The following USP31 variants were observed in gnomAD, a reference collection of about 807,000 sequenced individuals.
The protein encoded by USP31 is ubiquitin specific peptidase 31.
A neutral mutation model predicts 119.4 loss-of-function variants in USP31; 44 were observed. The observed-to-expected ratio is 0.37, with a 90% CI of 0.29 to 0.47. The LOEUF is 0.47. Ranked by LOEUF, USP31 falls within the 20% of genes least tolerant of loss-of-function variation. The pLI is 0.99. For missense variants in USP31, 1,643 were observed against 1,730.2 expected (o/e 0.95, Z 0.89); for synonymous variants, 749 against 705.6 (o/e 1.06, Z -0.97).
At chr16:23,094,699 T>C (rs1240650054) in intron 6 of USP31, among the ~76,000 whole-genome samples, 1 of 152,140 alleles carries the variant, frequency 6.6e-6, no homozygotes, top group Non-Finnish European at 1.5e-5. Flanking sequence ...CTACTGGTGA[T>C]ACCCAGGCAA....
chr16:23,139,042 T>C (rs1903273359), intron 1 of USP31, among the ~76,000 whole-genome samples: 1 of 152,246 alleles, frequency 6.6e-6, no homozygotes, highest in African/African-American at 2.4e-5. Context: ...AATAAATCTG[T>C]AGACTTAATA....
intron 15 of USP31, among the ~76,000 whole-genome samples, chr16:23,070,104 G>A (rs936296950): frequency 2.0e-5 from 3 of 152,190 alleles, no homozygotes; most frequent in Admixed American, 6.5e-5. Context: ...CAAGTGTGAC[G>A]ATTAAATACA....
chr16:23,144,066 C>T (rs1450842612), intron 1 of USP31, among the ~76,000 whole-genome samples: 1 of 152,094 alleles, frequency 6.6e-6, no homozygotes, highest in East Asian at 1.9e-4. Context: ...AAATGAAAAC[C>T]CAACTTTAAC....
chr16:23,148,744 G>A lies in USP31; in HGVS notation c.527C>T (p.Ala176Val). Reference sequence around the variant, plus strand: ...GCCCTGGCCCTGCGCGCCGCGGCCCGCAGGCTGCTCCGGGTCAGGCGAGGG... The same window carrying A: ...GCCCTGGCCCTGCGCGCCGCGGCCCACAGGCTGCTCCGGGTCAGGCGAGGG... ...PEPSPDPEQP[A>V]GRGAQGQGEV... Residue 176 changes from alanine (A) to valine (V), a missense_variant, in exon 1 of 16, where the codon GCG (alanine) becomes GTG (valine). By Grantham distance (64) the Ala-to-Val change is moderately conservative. This residue lies in a region of USP31 where 302 missense variants were observed against 262.6 expected (regional missense o/e 1.15). Coordinates refer to ENST00000219689, the MANE Select transcript of USP31 (RefSeq NM_020718.4). 3 of 1,495,520 alleles carry A rather than the reference G, an allele frequency of 2.0e-6. No individual in the cohort carries two copies. The highest frequency in any genetic ancestry group is 2.7e-6 in the Non-Finnish European group (3 of 1,126,390). The allele number at this position is 1,495,520 out of a possible 1,614,324, so 92.6% of individuals were successfully genotyped here.
chr16:23,148,723 T>G lies in USP31; in HGVS notation c.548A>C (p.Gln183Pro), dbSNP rs1328599683. ...CGCCAGCTGCTCAGTGACCTCGCCCTGGCCCTGCGCGCCGCGGCCCGCAGG... is the reference window on the plus strand; with the variant it reads ...CGCCAGCTGCTCAGTGACCTCGCCCGGGCCCTGCGCGCCGCGGCCCGCAGG... ...EQPAGRGAQG[Q>P]GEVTEQLAHL... The change falls in exon 1 of 16, where the codon CAG becomes CCG. Residue 183 changes from glutamine (Q) to proline (P), a missense_variant. By Grantham distance (76) the Gln-to-Pro change is moderately conservative. Around this residue, in one of 5 missense-constraint regions of USP31, gnomAD observed 302 missense variants for 262.6 expected, o/e 1.15. Transcript: ENST00000219689. The G allele has an allele frequency of 1.3e-6, 2 of 1,484,074 alleles. No individual in the cohort carries two copies. The allele number at this position is 1,484,074 out of a possible 1,614,324, so 91.9% of individuals were successfully genotyped here. A position where few individuals can be genotyped will look rare whatever the true frequency, so the allele number is the denominator to read the frequency against.
At chr16:23,071,656 A>G (rs2141828801) in intron 15 of USP31, among the ~76,000 whole-genome samples, 1 of 152,156 alleles carries the variant, frequency 6.6e-6, no homozygotes, top group South Asian at 2.1e-4. Flanking sequence ...CCTCCATGCC[A>G]AGCCTGGAGC....
chr16:23,092,727 A>AGGC (rs1225719466), intron 6 of USP31, among the ~76,000 whole-genome samples: 1 of 152,248 alleles, frequency 6.6e-6, no homozygotes, highest in Non-Finnish European at 1.5e-5. Context: ...GTGAAATAAT[A>AGGC]GACTATCTAG....
rs754802872 is a variant in USP31, at chr16:23,068,598, G to T, written c.3507C>A (p.Ser1169Arg). 6.2e-7 allele frequency: 1 copy of T among 1,614,164 alleles called. No individual in the cohort carries two copies. Among genetic ancestry groups the T allele is most frequent in the East Asian group, 2.2e-5 (1 of 44,874 alleles). Reference sequence around the variant, plus strand: ...AATTGGGTTTGGAGGTGGAGGTGGCGCTGGCTCTGTCAGAACCCAAGCTTT... The same window carrying T: ...AATTGGGTTTGGAGGTGGAGGTGGCTCTGGCTCTGTCAGAACCCAAGCTTT... ...SRQSLGSDRA[S>R]ATSTSKPNSP... Residue 1169 changes from serine (S) to arginine (R), a missense_variant, in exon 16 of 16, where the codon AGC (serine) becomes AGA (arginine). Around this residue, in one of 5 missense-constraint regions of USP31, gnomAD observed 699 missense variants for 650.9 expected, o/e 1.07. Coordinates refer to ENST00000219689, the MANE Select transcript of USP31 (RefSeq NM_020718.4).
chr16:23,070,582 C>G (rs1003488497), intron 15 of USP31, among the ~76,000 whole-genome samples: 1 of 151,954 alleles, frequency 6.6e-6, no homozygotes, highest in Non-Finnish European at 1.5e-5. Flanking sequence ...GGTGTGGTGG[C>G]AGGTGCCTGT....
Position 23,068,284 on chromosome 16 carries a change from CCT to C in USP31, c.3819_3820del (p.Gly1274ProfsTer66). ...CTGCTGGGAAGCTGGAGGCTGGTGGCCTCTCTCTGCCTCGTCGTCCCCGGTGT... is the reference window on the plus strand; with the variant it reads ...CTGCTGGGAAGCTGGAGGCTGGTGGCCTCTCTGCCTCGTCGTCCCCGGTGT... On this transcript the variant is annotated frameshift_variant, in exon 16 of 16. Coordinates refer to ENST00000219689, the MANE Select transcript of USP31 (RefSeq NM_020718.4). LOFTEE classifies it high-confidence loss of function. 1 of 1,613,916 alleles carries C rather than the reference CCT, an allele frequency of 6.2e-7. No individual in the cohort carries two copies. Among genetic ancestry groups the C allele is most frequent in the Non-Finnish European group, 8.5e-7 (1 of 1,179,834 alleles).
chr16:23,139,774 C>A (rs183398368), intron 1 of USP31, among the ~76,000 whole-genome samples: 1 of 152,274 alleles, frequency 6.6e-6, no homozygotes, highest in East Asian at 1.9e-4. Flanking sequence ...GGCTCCCAAC[C>A]CCATATATTC....
chr16:23,073,279 T>C (rs1443837224), intron 14 of USP31, among the ~76,000 whole-genome samples: 2 of 152,178 alleles, frequency 1.3e-5, no homozygotes, highest in East Asian at 3.9e-4. Flanking sequence ...CCTTTACCCT[T>C]TACAAAATGT....
At chr16:23,074,715 A>G (rs1414806589) in intron 13 of USP31, among the ~76,000 whole-genome samples, 2 of 152,228 alleles carry the variant, frequency 1.3e-5, no homozygotes, top group Non-Finnish European at 2.9e-5. Flanking sequence ...TGAACGCAGG[A>G]GGACTTCTTT....
intron 15 of USP31, 45 bp from the exon 16 acceptor site, chr16:23,069,661 C>CA: frequency 6.5e-7 from 1 of 1,547,932 alleles, no homozygotes; most frequent in Non-Finnish European, 8.7e-7. Context: ...CCAATGAAGA[C>CA]ATTCTAACAA....
chr16:23,080,539 G>A (rs868608930), intron 12 of USP31, among the ~76,000 whole-genome samples: 7 of 152,190 alleles, frequency 4.6e-5, no homozygotes, highest in African/African-American at 1.7e-4. Context: ...ATGGCTCCAT[G>A]AAGGGCAAAC....
At chr16:23,104,117 T>G (rs1452548846) in intron 5 of USP31, among the ~76,000 whole-genome samples, 1 of 152,198 alleles carries the variant, frequency 6.6e-6, no homozygotes, top group African/African-American at 2.4e-5. Flanking sequence ...ACATGCCTTT[T>G]CTGAGCCTCT....
intron 2 of USP31, 149 bp from the exon 3 acceptor site, chr16:23,106,636 C>G: frequency 1.3e-6 from 1 of 769,136 alleles, no homozygotes; most frequent in Non-Finnish European, 2.1e-6. Flanking sequence ...GCTAAAGGAG[C>G]CAGAACACAG....
chr16:23,116,467 TG>T (rs1567241485), intron 1 of USP31, among the ~76,000 whole-genome samples: 1 of 152,154 alleles, frequency 6.6e-6, no homozygotes, highest in African/African-American at 2.4e-5. Flanking sequence ...TACAAATAGA[TG>T]AACACTGTAA....
At chr16:23,070,032 G>C (rs1238715824) in intron 15 of USP31, among the ~76,000 whole-genome samples, 1 of 152,170 alleles carries the variant, frequency 6.6e-6, no homozygotes, top group Non-Finnish European at 1.5e-5. Flanking sequence ...ACAAAGAAAG[G>C]CAGTGGGCTG....
Sources: gnomAD v4.1 joint callset for allele counts (sites outside exome capture counted in the v4.1 genomes callset) on GRCh38, gnomAD v4.1.1 for gene constraint, gnomAD v4.1.1 regional missense constraint, MANE v1.5 for transcripts, NCBI Gene and HGNC (gene_info 2026-07-23, HGNC 2026-07-21) for gene names.